Variants in COMMD1 observed in about 807,000 individuals in gnomAD.
COMMD1 encodes the protein COMM domain-containing protein 1.
COMMD1 carries 10 observed loss-of-function variants against 17.2 expected under a neutral mutation model. That is an observed-to-expected ratio of 0.58 (90% confidence interval 0.36 to 0.99). COMMD1 has a LOEUF of 0.99. Among genes scored for constraint, COMMD1 ranks in the 50% least tolerant of loss-of-function variants. The pLI, the probability that COMMD1 is intolerant of heterozygous loss-of-function variation, is 0.01. For synonymous variants in COMMD1, 97 were observed against 91.6 expected (o/e 1.06, Z -0.34); for missense variants, 270 against 231.8 (o/e 1.17, Z -1.07).
At chr2:62,008,231 C>T (rs1303827710) in intron 2 of COMMD1, among the ~76,000 whole-genome samples, 2 of 152,110 alleles carry the variant, frequency 1.3e-5, no homozygotes, top group African/African-American at 2.4e-5. Flanking sequence ...TGAGCTTGGT[C>T]ATGTACCACT....
intron 1 of COMMD1, among the ~76,000 whole-genome samples, chr2:61,955,519 C>T (rs369757600): frequency 2.6e-5 from 4 of 152,118 alleles, no homozygotes; most frequent in South Asian, 2.1e-4. Flanking sequence ...GTTGTGCTTT[C>T]GGTGTTGTAT....
intron 2 of COMMD1, among the ~76,000 whole-genome samples, chr2:62,061,670 C>T (rs1377699259): frequency 2.0e-5 from 3 of 151,588 alleles, no homozygotes; most frequent in Non-Finnish European, 4.4e-5. Flanking sequence ...ATTCTCCTGC[C>T]TCAGCCTCCT....
At chr2:62,016,971 C>T (rs2103845974) in intron 2 of COMMD1, among the ~76,000 whole-genome samples, 1 of 152,278 alleles carries the variant, frequency 6.6e-6, no homozygotes, top group African/African-American at 2.4e-5. Context: ...AAAAGGACTT[C>T]TGAACTTGAA....
intron 2 of COMMD1, among the ~76,000 whole-genome samples, chr2:62,104,643 A>C (rs1319548374): frequency 1.3e-5 from 2 of 151,418 alleles, no homozygotes; most frequent in Middle Eastern, 3.4e-3. Context: ...CAAAAAAAAA[A>C]AAAAAAAAAA....
At chr2:62,035,386 T>TGTGGGAAC (rs1246902891) in intron 2 of COMMD1, among the ~76,000 whole-genome samples, 3 of 152,222 alleles carry the variant, frequency 2.0e-5, no homozygotes, top group Non-Finnish European at 1.5e-5. Flanking sequence ...GGATTCCCAG[T>TGTGGGAAC]TCTATGTTTG....
intron 2 of COMMD1, among the ~76,000 whole-genome samples, chr2:62,045,115 G>T (rs1271259757): frequency 1.3e-5 from 2 of 152,132 alleles, no homozygotes; most frequent in African/African-American, 4.8e-5. Context: ...GCAGGTTAGG[G>T]TTTTTATGGA....
chr2:61,918,718 G>A (rs562886959), intron 1 of COMMD1: 2 of 152,172 alleles, frequency 1.3e-5, no homozygotes, highest in Non-Finnish European at 2.9e-5. Flanking sequence ...CAAGGTAAAT[G>A]TCACTGTCCC....
In COMMD1 at chr2:62,014,860, C is replaced by T. The variant is rs577954028; in HGVS notation, c.462+13878C>T. 1.4e-4 allele frequency among the ~76,000 whole-genome samples: 21 copies of T among 152,064 alleles called. No homozygotes were observed. The South Asian group carries it at 1.9e-3, about 14-fold the overall frequency. On this transcript the variant is annotated intron_variant, in intron 2 of 2. Transcript: ENST00000311832. ...GATTACAGGTGTGAGCCACTGCGCC[C>T]GGCCATTTCAGCAGTTTTTAAGTGT...
intron 2 of COMMD1, among the ~76,000 whole-genome samples, chr2:62,039,415 CCTTT>C (rs1345493423): frequency 1.3e-5 from 2 of 152,194 alleles, no homozygotes; most frequent in East Asian, 3.8e-4. Context: ...ATCACTATGG[CCTTT>C]CTTTGAGGAG....
At chr2:61,892,141 T>C (rs1228418722) in intron 1 of COMMD1, among the ~76,000 whole-genome samples, 2 of 151,970 alleles carry the variant, frequency 1.3e-5, no homozygotes, top group Non-Finnish European at 2.9e-5. Context: ...AGCTTTCCTA[T>C]ATTTAAAAAA....
chr2:62,117,102 C>G (rs746368733), intron 2 of COMMD1, among the ~76,000 whole-genome samples: 9 of 152,040 alleles, frequency 5.9e-5, no homozygotes, highest in Non-Finnish European at 1.0e-4. Context: ...CTCTTTGCCC[C>G]CACACATACC....
At chr2:61,984,548 T>C (rs1393806511) in intron 1 of COMMD1, among the ~76,000 whole-genome samples, 1 of 152,226 alleles carries the variant, frequency 6.6e-6, no homozygotes, top group Non-Finnish European at 1.5e-5. Flanking sequence ...ATTTTTTGAA[T>C]ATTTTTTAGA....
intron 2 of COMMD1, among the ~76,000 whole-genome samples, chr2:62,034,917 T>G (rs924534333): frequency 6.6e-6 from 1 of 152,234 alleles, no homozygotes; most frequent in Non-Finnish European, 1.5e-5. Context: ...TCAAATTACT[T>G]GCTTCATCAT....
chr2:61,956,569 C>A (rs543397201), intron 1 of COMMD1, among the ~76,000 whole-genome samples: 1 of 151,912 alleles, frequency 6.6e-6, no homozygotes, highest in African/African-American at 2.4e-5. Context: ...ACCACCACGC[C>A]TGGCTAATTT....
chr2:62,079,942 C>G (rs1671471837), intron 2 of COMMD1: 1 of 152,138 alleles, frequency 6.6e-6, no homozygotes, highest in South Asian at 2.1e-4. Context: ...AGTATTATCT[C>G]TGAATATAAT....
chr2:62,068,399 G>C (rs1446808905), intron 2 of COMMD1, among the ~76,000 whole-genome samples: 2 of 152,138 alleles, frequency 1.3e-5, no homozygotes, highest in African/African-American at 2.4e-5. Context: ...GAAAATGTTT[G>C]TGATTTGGAG....
chr2:62,030,823 G>GA (rs972057900), intron 2 of COMMD1, among the ~76,000 whole-genome samples: 52 of 151,790 alleles, frequency 3.4e-4, no homozygotes, highest in South Asian at 2.1e-4. Flanking sequence ...TTGAATTTTA[G>GA]AAAAAAACAA....
intron 1 of COMMD1, among the ~76,000 whole-genome samples, chr2:61,988,291 A>G (rs1482054960): frequency 6.6e-6 from 1 of 152,066 alleles, no homozygotes; most frequent in Non-Finnish European, 1.5e-5. Context: ...AGCATGTTTC[A>G]TAGTCTCACT....
At chr2:61,961,261 C>T (rs1671337031) in intron 1 of COMMD1, among the ~76,000 whole-genome samples, 1 of 152,232 alleles carries the variant, frequency 6.6e-6, no homozygotes, top group Non-Finnish European at 1.5e-5. Context: ...CACATCTACC[C>T]TGCTGCTGTG....
Sources: allele counts gnomAD v4.1 joint callset (sites outside exome capture counted in the v4.1 genomes callset), GRCh38; gene constraint gnomAD v4.1.1; transcripts MANE v1.5; gene names NCBI Gene and HGNC (gene_info 2026-07-23, HGNC 2026-07-21).